Variants in BEND6 observed in about 807,000 individuals in gnomAD.
BEND6 encodes the protein BEN domain containing 6, also known as BEN domain-containing protein 6.
In BEND6, 24 loss-of-function variants were observed where a neutral mutation model predicts 31.8. The observed-to-expected ratio is 0.75, with a 90% confidence interval of 0.55 to 1.06. BEND6 has a LOEUF of 1.06. Ranked by LOEUF, BEND6 falls within the 50% of genes least tolerant of loss-of-function variation. BEND6 has a pLI of 0.00. For missense variants in BEND6, 294 were observed against 327.4 expected, an observed-to-expected ratio of 0.90 and a Z score of 0.79; for synonymous variants, 109 against 114.6, an observed-to-expected ratio of 0.95 and a Z score of 0.31.
chr6:57,004,888 C>T, intron 3 of BEND6: 3 of 599,252 alleles, frequency 5.0e-6, no homozygotes, highest in South Asian at 1.9e-5. Context: ...TGGCATGTGC[C>T]AGTAGTCCCA....
At chr6:57,023,952 T>C (rs148238762) in intron 6 of BEND6, among the ~76,000 whole-genome samples, 1 of 152,334 alleles carries the variant, frequency 6.6e-6, no homozygotes, top group Non-Finnish European at 1.5e-5. Context: ...GCTTTTTATT[T>C]TTAGTGAATC....
intron 2 of BEND6, among the ~76,000 whole-genome samples, chr6:56,988,070 G>A (rs1373565978): frequency 2.0e-5 from 3 of 148,306 alleles, no homozygotes; most frequent in African/African-American, 5.0e-5. Context: ...AGACTGGAGT[G>A]CAGTGGCATG....
chr6:57,008,342 T>C (rs1827232987), intron 3 of BEND6: 1 of 652,120 alleles, frequency 1.5e-6, no homozygotes, highest in Non-Finnish European at 2.8e-6. Flanking sequence ...GCAAGGCTAC[T>C]ACTGATCATG....
intron 1 of BEND6, among the ~76,000 whole-genome samples, chr6:56,963,300 G>A (rs185157975): frequency 1.2e-4 from 18 of 152,264 alleles, no homozygotes; most frequent in East Asian, 7.7e-4. Flanking sequence ...CCAGCAGAAC[G>A]TCAGATGTTT....
chr6:56,983,209 C>T (rs1464361161), intron 2 of BEND6, among the ~76,000 whole-genome samples: 6 of 152,022 alleles, frequency 3.9e-5, no homozygotes, highest in South Asian at 2.1e-4. Context: ...TATAACATCA[C>T]GTTATAGGAA....
intron 6 of BEND6, among the ~76,000 whole-genome samples, chr6:57,024,241 T>C (rs1827837183): frequency 6.6e-6 from 1 of 152,232 alleles, no homozygotes; most frequent in Non-Finnish European, 1.5e-5. Flanking sequence ...TATGAGTGGA[T>C]TGTAAATGAC....
intron 3 of BEND6, among the ~76,000 whole-genome samples, chr6:57,006,609 G>A (rs547144514): frequency 6.6e-6 from 1 of 152,308 alleles, no homozygotes; most frequent in South Asian, 2.1e-4. Flanking sequence ...TTTTGAATGG[G>A]AAGTACTGGT....
intron 3 of BEND6, among the ~76,000 whole-genome samples, chr6:56,994,847 A>G (rs1826646084): frequency 6.6e-6 from 1 of 152,234 alleles, no homozygotes; most frequent in African/African-American, 2.4e-5. Flanking sequence ...GCATATAAAA[A>G]TAATCACTTA....
chr6:57,007,266 A>G (rs953640757), intron 3 of BEND6, among the ~76,000 whole-genome samples: 6 of 151,956 alleles, frequency 3.9e-5, no homozygotes, highest in Non-Finnish European at 5.9e-5. Context: ...CCAGCCTAGA[A>G]GATGGAGTGA....
intron 3 of BEND6, chr6:57,014,530 G>A: frequency 6.6e-7 from 1 of 1,506,322 alleles, no homozygotes; most frequent in Non-Finnish European, 8.9e-7. Flanking sequence ...GAATGTGTAA[G>A]TTTCCATTTG....
At chr6:57,011,246 T>C (rs1441234608) in intron 3 of BEND6, among the ~76,000 whole-genome samples, 1 of 152,232 alleles carries the variant, frequency 6.6e-6, no homozygotes, top group Non-Finnish European at 1.5e-5. Flanking sequence ...ATGGCCAGTT[T>C]CTTGTATTGC....
chr6:57,025,761 A>C (rs1446427963), intron 6 of BEND6, among the ~76,000 whole-genome samples: 1 of 152,106 alleles, frequency 6.6e-6, no homozygotes, highest in Non-Finnish European at 1.5e-5. Flanking sequence ...AGGAAGCCTG[A>C]ATCTCTTACC....
intron 3 of BEND6, among the ~76,000 whole-genome samples, chr6:57,012,326 G>C (rs757696054): frequency 4.6e-5 from 7 of 152,142 alleles, no homozygotes; most frequent in Non-Finnish European, 8.8e-5. Context: ...AGAATATACT[G>C]TTTGAGTTAA....
chr6:56,989,974 C>T (rs182895055), intron 2 of BEND6, among the ~76,000 whole-genome samples: 108 of 152,238 alleles, frequency 7.1e-4, no homozygotes, highest in African/African-American at 2.3e-3. Flanking sequence ...TTTCCTGCCC[C>T]AAGTTCAAAA....
intron 3 of BEND6, among the ~76,000 whole-genome samples, chr6:56,998,592 T>C (rs1248952608): frequency 6.6e-6 from 1 of 151,962 alleles, no homozygotes; most frequent in African/African-American, 2.4e-5. Context: ...TAGTAAAGAA[T>C]GAAAAATCAA....
intron 1 of BEND6, 150 bp downstream of exon 1, chr6:56,955,610 G>T (rs1824736925): frequency 6.6e-6 from 1 of 152,240 alleles, no homozygotes; most frequent in Non-Finnish European, 1.5e-5. Context: ...GTACGCTCTG[G>T]TCGGCAGAGG....
At chr6:57,017,506 T>A in intron 5 of BEND6, 107 bp downstream of exon 5, 1 of 966,760 alleles carries the variant, frequency 1.0e-6, no homozygotes, top group East Asian at 3.3e-5. Context: ...TTTATTTTTC[T>A]GGGAAAGAAA....
intron 3 of BEND6, among the ~76,000 whole-genome samples, chr6:56,996,861 G>A (rs373475268): frequency 6.6e-6 from 1 of 152,132 alleles, no homozygotes; most frequent in East Asian, 1.9e-4. Flanking sequence ...TAATTAAGGT[G>A]GCATTGTAAC....
chr6:56,993,914 G>T (rs1463050018), intron 3 of BEND6, among the ~76,000 whole-genome samples: 2 of 152,114 alleles, frequency 1.3e-5, no homozygotes, highest in African/African-American at 2.4e-5. Context: ...TACCCAGGCT[G>T]GTTTTGAACT....
Sources: gnomAD v4.1 joint callset for allele counts (sites outside exome capture counted in the v4.1 genomes callset) on GRCh38, gnomAD v4.1.1 for gene constraint, MANE v1.5 for transcripts, NCBI Gene and HGNC (gene_info 2026-07-23, HGNC 2026-07-21) for gene names.